NTM: variants seen among roughly 807,000 people sequenced by gnomAD.
The protein encoded by NTM is neurotrimin, also known as IgLON family member 2.
In NTM, 13 loss-of-function variants were observed where a neutral mutation model predicts 42.1. The observed-to-expected ratio is 0.31, with a 90% CI of 0.20 to 0.49. NTM has a LOEUF of 0.49. Among genes scored for constraint, NTM ranks in the 20% least tolerant of loss-of-function variants. NTM has a pLI of 0.99. For missense variants in NTM, 373 were observed against 452.8 expected, an observed-to-expected ratio of 0.82 and a Z score of 1.60; for synonymous variants, 187 against 179.2, an observed-to-expected ratio of 1.04 and a Z score of -0.35.
At chr11:131,448,168 A>T (rs948776992) in intron 1 of NTM, among the ~76,000 whole-genome samples, 4 of 152,208 alleles carry the variant, frequency 2.6e-5, no homozygotes, top group Non-Finnish European at 5.9e-5. Flanking sequence ...TACACGAGGA[A>T]GGAGCTCAAC....
intron 2 of NTM, among the ~76,000 whole-genome samples, chr11:132,126,924 T>C (rs540844361): frequency 3.3e-5 from 5 of 152,212 alleles, no homozygotes; most frequent in South Asian, 2.1e-4. Flanking sequence ...CTTTCAAATG[T>C]TGGGAAACTG....
At chr11:131,802,031 T>C (rs2136234347) in intron 1 of NTM, among the ~76,000 whole-genome samples, 1 of 152,180 alleles carries the variant, frequency 6.6e-6, no homozygotes, top group African/African-American at 2.4e-5. Flanking sequence ...AGGTGCAGTA[T>C]AATAAAAAAA....
At chr11:131,944,783 C>T (rs972538520) in intron 2 of NTM, among the ~76,000 whole-genome samples, 1 of 152,224 alleles carries the variant, frequency 6.6e-6, no homozygotes, top group South Asian at 2.1e-4. Flanking sequence ...CCTGATCACA[C>T]TCAAAGGGGT....
intron 1 of NTM, chr11:131,795,277 AG>A: frequency 4.0e-6 from 2 of 495,500 alleles, no homozygotes; most frequent in Non-Finnish European, 5.2e-6. Context: ...TCTTCCTTAT[AG>A]GGTTGTTGTT....
chr11:132,127,395 G>C (rs1435864708), intron 2 of NTM, among the ~76,000 whole-genome samples: 1 of 152,252 alleles, frequency 6.6e-6, no homozygotes. Context: ...AGCGCATAGA[G>C]AGGGATCTGC....
intron 1 of NTM, among the ~76,000 whole-genome samples, chr11:131,721,214 G>C (rs1208969902): frequency 6.6e-6 from 1 of 151,706 alleles, no homozygotes; most frequent in Non-Finnish European, 1.5e-5. Flanking sequence ...GTTATTACTG[G>C]AACCCAGGAG....
chr11:132,055,807 C>G (rs11222891), intron 2 of NTM, among the ~76,000 whole-genome samples: 43,892 of 151,576 alleles, frequency 0.29, 5,103 homozygotes, highest in Non-Finnish European at 0.31. Flanking sequence ...TGGCCTTGGG[C>G]CCTGTGCCTC....
intron 1 of NTM, among the ~76,000 whole-genome samples, chr11:131,498,246 A>G (rs1038532424): frequency 1.3e-5 from 2 of 152,174 alleles, no homozygotes; most frequent in African/African-American, 2.4e-5. Context: ...TCTACCACGT[A>G]CTGGTAATGG....
intron 2 of NTM, 56 bp downstream of exon 2, chr11:131,911,704 G>T: frequency 6.2e-7 from 1 of 1,607,988 alleles, no homozygotes. Context: ...CGGGGTAAGG[G>T]GCAGGGGTGC....
At chr11:131,569,137 T>C (rs1367360043) in intron 1 of NTM, among the ~76,000 whole-genome samples, 1 of 149,028 alleles carries the variant, frequency 6.7e-6, no homozygotes, top group East Asian at 1.9e-4. Context: ...TGTTTTTGTT[T>C]TCGTTTTCAT....
At chr11:131,563,716 T>C (rs1348492121) in intron 1 of NTM, among the ~76,000 whole-genome samples, 1 of 151,690 alleles carries the variant, frequency 6.6e-6, no homozygotes, top group Non-Finnish European at 1.5e-5. Flanking sequence ...TTCAAACTAA[T>C]TTACTGTGTC....
intron 4 of NTM, among the ~76,000 whole-genome samples, chr11:132,285,883 A>G (rs1265440512): frequency 6.6e-6 from 1 of 152,110 alleles, no homozygotes; most frequent in Non-Finnish European, 1.5e-5. Context: ...CCTCTTGTAG[A>G]TGGGAATCTT....
At chr11:131,650,348 G>A (rs536165243) in intron 1 of NTM, among the ~76,000 whole-genome samples, 3 of 152,294 alleles carry the variant, frequency 2.0e-5, no homozygotes, top group East Asian at 3.9e-4. Context: ...TCACTGTGGC[G>A]AGGGGCCATT....
intron 1 of NTM, among the ~76,000 whole-genome samples, chr11:131,473,321 A>G (rs1332855512): frequency 6.6e-6 from 1 of 152,102 alleles, no homozygotes; most frequent in Non-Finnish European, 1.5e-5. Flanking sequence ...ATGCTTTGAC[A>G]ACTGCTCCAA....
intron 2 of NTM, among the ~76,000 whole-genome samples, chr11:132,105,543 C>A (rs2062255674): frequency 6.6e-6 from 1 of 152,064 alleles, no homozygotes; most frequent in South Asian, 2.1e-4. Flanking sequence ...CCACGGTAAG[C>A]AGGAGGAATG....
At chr11:131,383,520 T>A (rs1942948111) in intron 1 of NTM, among the ~76,000 whole-genome samples, 1 of 152,192 alleles carries the variant, frequency 6.6e-6, no homozygotes, top group Admixed American at 6.5e-5. Flanking sequence ...AGAAATTGCA[T>A]ATGCTAACGT....
chr11:131,809,937 G>C (rs765303408), intron 1 of NTM, among the ~76,000 whole-genome samples: 2 of 152,156 alleles, frequency 1.3e-5, no homozygotes, highest in African/African-American at 4.8e-5. Context: ...TAATGCATAC[G>C]TGAATACACA....
intron 3 of NTM, among the ~76,000 whole-genome samples, chr11:132,171,182 G>GAAA (rs2076063081): frequency 6.6e-6 from 1 of 152,050 alleles, no homozygotes; most frequent in South Asian, 2.1e-4. Context: ...TTTCCCCAGG[G>GAAA]CAGCACAAGC....
chr11:131,917,418 C>T (rs540659325), intron 2 of NTM, among the ~76,000 whole-genome samples: 38 of 152,204 alleles, frequency 2.5e-4, no homozygotes, highest in Non-Finnish European at 4.7e-4. Context: ...GAACTTGTGT[C>T]TGTCTGTCCA....
Sources: allele counts gnomAD v4.1 joint callset (sites outside exome capture counted in the v4.1 genomes callset), GRCh38; gene constraint gnomAD v4.1.1; transcripts MANE v1.5; gene names NCBI Gene and HGNC (gene_info 2026-07-23, HGNC 2026-07-21).